Variants in CFAP92 observed in about 807,000 individuals in gnomAD.
CFAP92 encodes the protein cilia and flagella associated protein 92 (putative), also known as uncharacterized protein CFAP92.
A neutral mutation model predicts 106.3 loss-of-function variants in CFAP92; 86 were observed. The observed-to-expected ratio is 0.81, with a 90% CI of 0.68 to 0.97. CFAP92 has a LOEUF of 0.97. CFAP92 is among the 50% of genes least tolerant of loss of function. The pLI is 0.00. For synonymous variants in CFAP92, 477 were observed against 506.4 expected (o/e 0.94, Z 0.78); for missense variants, 1,204 against 1,283.8 (o/e 0.94, Z 0.95).
chr3:128,976,035 T>A, intron 6 of CFAP92, 132 bp from the exon 7 acceptor site: 1 of 805,116 alleles, frequency 1.2e-6, no homozygotes, highest in Non-Finnish European at 1.8e-6. Flanking sequence ...TCTAACCCAG[T>A]GCTTCTCAGT....
At chr3:128,964,518 G>C (rs888311362) in intron 9 of CFAP92, among the ~76,000 whole-genome samples, 18 of 152,122 alleles carry the variant, frequency 1.2e-4, no homozygotes, top group East Asian at 3.9e-4. Flanking sequence ...GATATCTCCT[G>C]GTGCTATCCC....
intron 4 of CFAP92, among the ~76,000 whole-genome samples, chr3:128,987,096 G>A (rs762424920): frequency 2.6e-5 from 4 of 152,320 alleles, no homozygotes; most frequent in South Asian, 4.1e-4. Context: ...GGGAGGCAGA[G>A]GTTGCAGTGA....
chr3:128,927,066 C>T (rs183368984), intron 12 of CFAP92, among the ~76,000 whole-genome samples: 1 of 152,082 alleles, frequency 6.6e-6, no homozygotes, highest in East Asian at 1.9e-4. Flanking sequence ...TGCACTCCAG[C>T]TTGGTGACAA....
chr3:128,910,536 C>T (rs1936167039), intron 15 of CFAP92, among the ~76,000 whole-genome samples: 1 of 152,212 alleles, frequency 6.6e-6, no homozygotes, highest in Non-Finnish European at 1.5e-5. Context: ...TCAGAGGAAA[C>T]AGGGTCAGAG....
intron 4 of CFAP92, among the ~76,000 whole-genome samples, chr3:128,983,822 G>A (rs149622503): frequency 3.0e-4 from 45 of 152,328 alleles, no homozygotes; most frequent in African/African-American, 1.1e-3. Context: ...GTGAGGAGGA[G>A]GCTTGGAAAC....
chr3:128,956,184 TAAA>T lies in CFAP92; in HGVS notation c.1353+9324_1353+9326del, dbSNP rs369899266. On this transcript the variant is annotated intron_variant, in intron 9 of 15. Coordinates refer to ENST00000645291, the MANE Select transcript of CFAP92 (RefSeq NM_001394090.1). ...AAGAATTATCAATAAAAAAATAAAT[TAAA>T]AAAAAAAATAAAAAAAAAATAAAAA... Among the ~76,000 whole-genome samples, 465 of 49,196 alleles carry T rather than the reference TAAA, an allele frequency of 9.5e-3. 8 individuals are homozygous for T. The highest frequency in any genetic ancestry group is 0.041 in the African/African-American group (418 of 10,074). 32.3% of individuals were successfully genotyped at this position (49,196 alleles called of 152,430 possible). A position where few individuals can be genotyped will look rare whatever the true frequency, so the allele number is the denominator to read the frequency against.
intron 4 of CFAP92, among the ~76,000 whole-genome samples, chr3:128,982,841 C>T (rs769708568): frequency 3.3e-5 from 5 of 152,202 alleles, no homozygotes; most frequent in Non-Finnish European, 7.3e-5. Context: ...AGTCAGAACA[C>T]ACACAGCATT....
Position 128,945,339 on chromosome 3 carries a change from C to A in CFAP92, c.1990G>T (p.Val664Phe), listed in dbSNP as rs760108532. 4 of 1,536,108 alleles carry A rather than the reference C, an allele frequency of 2.6e-6. No individual in the cohort carries two copies. The highest frequency in any genetic ancestry group is 3.5e-6 in the Non-Finnish European group (4 of 1,146,906). ...GGSQFGRIIF[V>F]FDFKKVSLLH... ...AGGGAGACCTTCTTAAAGTCAAAGA[C>A]GAAGATGATGCGGCCAAACTGGGAG... The change falls in exon 10 of 16, where the codon GTC (valine) becomes TTC (phenylalanine). Residue 664 changes from valine to phenylalanine, a missense_variant. Val to Phe is a conservative substitution (Grantham distance 50). Coordinates refer to ENST00000645291, the MANE Select transcript of CFAP92 (RefSeq NM_001394090.1).
rs570025359 is a variant in CFAP92 at position 128,964,821 on chromosome 3, G to A, written c.1353+690C>T. ...AATCTCTCCCACTCTAGGTTCCCAC[G>A]CTGCCCCTAATCCCGCTTGAAGCAG... On this transcript the variant is annotated intron_variant, in intron 9 of 15. Transcript: ENST00000645291. Among the ~76,000 whole-genome samples, 56 of 151,362 alleles carry A rather than the reference G, an allele frequency of 3.7e-4. 1 individual carries two copies. The highest frequency in any genetic ancestry group is 2.3e-3 in the South Asian group (11 of 4,752).
chr3:129,011,204 C>A, the CFAP92 span, among the ~76,000 whole-genome samples: 30 of 152,132 alleles, frequency 2.0e-4, no homozygotes, highest in African/African-American at 7.0e-4. Context: ...TTTGAAGATT[C>A]AACTTGCTGT....
chr3:129,021,971 G>A, the CFAP92 span, among the ~76,000 whole-genome samples: 12 of 152,266 alleles, frequency 7.9e-5, no homozygotes, highest in South Asian at 1.0e-3. Flanking sequence ...GAAAGAGGGC[G>A]TCAGTGTGTT....
At chr3:128,911,771 A>C (rs1443625004) in intron 15 of CFAP92, among the ~76,000 whole-genome samples, 1 of 152,210 alleles carries the variant, frequency 6.6e-6, no homozygotes, top group Non-Finnish European at 1.5e-5. Context: ...TGCCCGGGGA[A>C]GGCTCACGAA....
At chr3:128,946,474 A>G (rs1268440924) in intron 9 of CFAP92, among the ~76,000 whole-genome samples, 1 of 152,242 alleles carries the variant, frequency 6.6e-6, no homozygotes, top group Non-Finnish European at 1.5e-5. Flanking sequence ...CTCAGAGAGC[A>G]CGGAGAACAG....
the CFAP92 span, among the ~76,000 whole-genome samples, chr3:129,013,310 G>A: frequency 1.3e-5 from 2 of 152,144 alleles, no homozygotes; most frequent in South Asian, 4.1e-4. Context: ...TATTATATTG[G>A]ATTTTTTAGT....
chr3:128,983,419 A>G (rs1365707590), intron 4 of CFAP92, among the ~76,000 whole-genome samples: 1 of 152,190 alleles, frequency 6.6e-6, no homozygotes, highest in Admixed American at 6.5e-5. Context: ...ACACTGAAGT[A>G]ACTTTCCTGT....
intron 15 of CFAP92, chr3:128,910,613 G>GTGAC: frequency 9.9e-7 from 1 of 1,009,296 alleles, no homozygotes; most frequent in Non-Finnish European, 1.6e-6. Flanking sequence ...CCAAGACGGG[G>GTGAC]TGACTCCTGT....
chr3:128,997,519 T>C (rs898379349), upstream of CFAP92, among the ~76,000 whole-genome samples: 8 of 152,238 alleles, frequency 5.3e-5, no homozygotes, highest in African/African-American at 1.7e-4. Context: ...TTTCTAAAAA[T>C]TGGCCTTTTC....
At chr3:129,024,130 A>G in the CFAP92 span, among the ~76,000 whole-genome samples, 2 of 152,222 alleles carry the variant, frequency 1.3e-5, no homozygotes, top group African/African-American at 4.8e-5. Context: ...TGAGAGAGAA[A>G]CACCATAACA....
intron 12 of CFAP92, among the ~76,000 whole-genome samples, chr3:128,928,519 G>A (rs1937962023): frequency 1.3e-5 from 2 of 152,158 alleles, no homozygotes; most frequent in South Asian, 4.1e-4. Context: ...TACATTTATG[G>A]TCAATTCTTG....
Sources: gnomAD v4.1 joint callset for allele counts (sites outside exome capture counted in the v4.1 genomes callset) on GRCh38, gnomAD v4.1.1 for gene constraint, MANE v1.5 for transcripts, NCBI Gene and HGNC (gene_info 2026-07-23, HGNC 2026-07-21) for gene names.